The following MED13 variants were observed in gnomAD, a reference collection of about 807,000 sequenced individuals.
MED13 encodes mediator of RNA polymerase II transcription subunit 13.
Under a neutral mutation model 225.2 loss-of-function variants are expected in MED13, and 23 were observed. That is an observed-to-expected ratio of 0.10 (90% CI 0.07 to 0.14). The LOEUF (loss-of-function observed/expected upper bound fraction) is 0.14. MED13 is among the 10% of genes least tolerant of loss of function. The pLI is 1.00. For synonymous variants in MED13, 942 were observed against 889.2 expected, an observed-to-expected ratio of 1.06 and a Z score of -1.06; for missense variants, 2,197 against 2,594.5, an observed-to-expected ratio of 0.85 and a Z score of 3.33.
rs561467652 is a variant in MED13 at position 61,955,658 on chromosome 17, A to G, written c.5782+22T>C. ...TTAACTGCATAAAGAATTAAATCTGATATAAACTAAAGATAGCTAACCTGG... is the reference window on the plus strand; with the variant it reads ...TTAACTGCATAAAGAATTAAATCTGGTATAAACTAAAGATAGCTAACCTGG... On this transcript the variant is annotated intron_variant, in intron 25 of 29. Coordinates refer to ENST00000397786, the MANE Select transcript of MED13 (RefSeq NM_005121.3). The G allele has an allele frequency of 5.7e-6, 9 of 1,582,418 alleles. 1 individual carries two copies. In the South Asian group the frequency reaches 1.1e-4, roughly 19 times the overall value.
At chr17:61,969,077 TG>T (rs1405120529) in intron 17 of MED13, among the ~76,000 whole-genome samples, 1 of 152,034 alleles carries the variant, frequency 6.6e-6, no homozygotes, top group African/African-American at 2.4e-5. Context: ...GGCATGGGGC[TG>T]GGTGCAGTGG....
intron 28 of MED13, among the ~76,000 whole-genome samples, chr17:61,950,494 C>T (rs1303210561): frequency 2.0e-5 from 3 of 152,020 alleles, no homozygotes; most frequent in African/African-American, 4.8e-5. Context: ...AGCGATTCTC[C>T]TGCCTTAGCC....
intron 8 of MED13, 68 bp from the exon 9 acceptor site, chr17:62,011,301 A>G (rs2080506767): frequency 7.4e-7 from 1 of 1,342,910 alleles, no homozygotes; most frequent in East Asian, 2.3e-5. Flanking sequence ...ATACCAGTTA[A>G]TAGTATTAGA....
chr17:62,048,418 A>G (rs1416845604), intron 3 of MED13, among the ~76,000 whole-genome samples: 2 of 150,360 alleles, frequency 1.3e-5, no homozygotes, highest in Non-Finnish European at 3.0e-5. Context: ...AAAAAAAAAA[A>G]AAAAGGAAAG....
At chr17:62,003,508 G>T (rs1473469197) in intron 9 of MED13, among the ~76,000 whole-genome samples, 4 of 147,876 alleles carry the variant, frequency 2.7e-5, no homozygotes, top group Admixed American at 6.9e-5. Flanking sequence ...GGGAGGGTGA[G>T]GCAGGAGAAT....
At chr17:61,990,191 G>GA (rs2080283492) in intron 11 of MED13, among the ~76,000 whole-genome samples, 1 of 152,042 alleles carries the variant, frequency 6.6e-6, no homozygotes, top group Non-Finnish European at 1.5e-5. Flanking sequence ...GCAAATTGCT[G>GA]AAAGTAGATT....
intron 8 of MED13, among the ~76,000 whole-genome samples, 177 bp from the exon 9 acceptor site, chr17:62,011,410 T>C (rs1316933502): frequency 1.3e-5 from 2 of 152,132 alleles, no homozygotes; most frequent in African/African-American, 2.4e-5. Flanking sequence ...CTAAATAAAA[T>C]ATAAGGGCAT....
intron 3 of MED13, among the ~76,000 whole-genome samples, chr17:62,037,816 G>A (rs2080817724): frequency 6.6e-6 from 1 of 151,684 alleles, no homozygotes. Context: ...TTAGCTGGGT[G>A]TGGTGGCACA....
chr17:62,037,736 T>C (rs2080817125), intron 3 of MED13, among the ~76,000 whole-genome samples: 2 of 148,996 alleles, frequency 1.3e-5, no homozygotes, highest in South Asian at 4.3e-4. Flanking sequence ...AGGTGGATCG[T>C]TTGAGCCCAG....
At chr17:62,011,602 C>T (rs1172994144) in intron 8 of MED13, among the ~76,000 whole-genome samples, 1 of 151,938 alleles carries the variant, frequency 6.6e-6, no homozygotes, top group Non-Finnish European at 1.5e-5. Context: ...TTAAATGTAC[C>T]TGATATTTCC....
At position 62,040,657 on chromosome 17, in the gene MED13, T is replaced by A. The variant is rs559137180; in HGVS notation, c.471-5049A>T. Among the ~76,000 whole-genome samples, 11 of 152,234 alleles carry A rather than the reference T, an allele frequency of 7.2e-5. No individual in the cohort carries two copies. In the East Asian group the frequency reaches 2.1e-3, roughly 29 times the overall value. ...TAAATGGCTTGTGTTAAAATCATAATACTAGTAAAGAGAATGCTGACTTCA... is the reference window on the plus strand; with the variant it reads ...TAAATGGCTTGTGTTAAAATCATAAAACTAGTAAAGAGAATGCTGACTTCA... On this transcript the variant is annotated intron_variant, in intron 3 of 29. Coordinates refer to ENST00000397786, the MANE Select transcript of MED13 (RefSeq NM_005121.3).
At chr17:62,059,118 TA>T (rs954763456) in intron 2 of MED13, among the ~76,000 whole-genome samples, 3 of 152,064 alleles carry the variant, frequency 2.0e-5, no homozygotes, top group African/African-American at 7.2e-5. Flanking sequence ...TTAAATGTAA[TA>T]GGGGTATCTT....
intron 3 of MED13, among the ~76,000 whole-genome samples, chr17:62,050,288 G>A (rs2080944323): frequency 6.6e-6 from 1 of 151,660 alleles, no homozygotes; most frequent in Non-Finnish European, 1.5e-5. Flanking sequence ...AACCTGGGAG[G>A]CAGAGGTTGC....
chr17:61,959,556 T>C (rs1042549430), intron 23 of MED13, among the ~76,000 whole-genome samples: 1 of 152,084 alleles, frequency 6.6e-6, no homozygotes, highest in African/African-American at 2.4e-5. Flanking sequence ...AAGCTTAACA[T>C]ACTTGTTAAT....
At chr17:62,024,624 T>G (rs2080682494) in intron 8 of MED13, among the ~76,000 whole-genome samples, 1 of 152,156 alleles carries the variant, frequency 6.6e-6, no homozygotes, top group South Asian at 2.1e-4. Context: ...TGTTTACAGA[T>G]TATTTCATCA....
In MED13 at chr17:61,995,402, T is replaced by C. The variant is rs758459650; in HGVS notation, c.1968-37A>G. On this transcript the variant is annotated intron_variant, in intron 9 of 29. Coordinates refer to ENST00000397786, the MANE Select transcript of MED13 (RefSeq NM_005121.3). ...AATTAAAAAAAATTAATTATCCACA[T>C]AAGCATTAAAAATTTCCAAAATGAC... 44 of 1,478,516 alleles carry C rather than the reference T, an allele frequency of 3.0e-5. No individual in the cohort carries two copies. The Middle Eastern group carries it at 6.8e-4, about 23-fold the overall frequency. The allele number at this position is 1,478,516 out of a possible 1,614,324, so 91.6% of individuals were successfully genotyped here.
In MED13 at chr17:61,950,914, A is replaced by C. The variant is rs1274169843; in HGVS notation, c.6202T>G (p.Phe2068Val). Residue 2068 changes from phenylalanine (F) to valine (V), a missense_variant, in exon 28 of 30, where the codon TTT becomes GTT. Phe to Val is a conservative substitution (Grantham distance 50). This residue lies in a region of MED13 where 216 missense variants were observed against 388.9 expected (regional missense o/e 0.56). Coordinates refer to ENST00000397786, the MANE Select transcript of MED13 (RefSeq NM_005121.3). ...GGACCTGCTTTGGCAGTTGATACAA[A>C]GTAACCAAGGGCCAATGGTTGCTGA... ...ILQQPLALGY[F>V]VSTAKAGPLP... 1 of 1,613,958 alleles carries C rather than the reference A, an allele frequency of 6.2e-7. No homozygotes were observed. Among genetic ancestry groups the C allele is most frequent in the Non-Finnish European group, 8.5e-7 (1 of 1,179,938 alleles).
intron 5 of MED13, among the ~76,000 whole-genome samples, chr17:62,032,651 T>C (rs1324133891): frequency 6.6e-6 from 1 of 152,196 alleles, no homozygotes; most frequent in Non-Finnish European, 1.5e-5. Flanking sequence ...TTCACTCCAT[T>C]GTCAGGCTGT....
chr17:62,048,398 C>CAAAA (rs555420453), intron 3 of MED13, among the ~76,000 whole-genome samples: 1 of 68,090 alleles, frequency 1.5e-5, no homozygotes, highest in Non-Finnish European at 2.8e-5. Flanking sequence ...GAGACTGTTT[C>CAAAA]AAAAAAAAAA....
Sources: allele counts gnomAD v4.1 joint callset (sites outside exome capture counted in the v4.1 genomes callset), GRCh38; gene constraint gnomAD v4.1.1; regional missense constraint gnomAD v4.1.1; transcripts MANE v1.5; gene names NCBI Gene and HGNC (gene_info 2026-07-23, HGNC 2026-07-21).